Variants in SMTNL2 observed in about 807,000 individuals in gnomAD.
SMTNL2 encodes the protein smoothelin-like protein 2.
SMTNL2 carries 43 observed loss-of-function variants against 44.1 expected under a neutral mutation model. The ratio of observed to expected loss-of-function variants is 0.98; its 90% CI spans 0.76 to 1.26. The LOEUF is 1.26. Ranked by LOEUF, SMTNL2 falls within the 50% of genes most tolerant of loss-of-function variation. SMTNL2 has a pLI of 0.00. For synonymous variants in SMTNL2, 317 were observed against 287.6 expected, an observed-to-expected ratio of 1.10 and a Z score of -1.03; for missense variants, 646 against 670.2, an observed-to-expected ratio of 0.96 and a Z score of 0.40.
chr17:4,585,433 C>T (rs1015168758), intron 1 of SMTNL2, among the ~76,000 whole-genome samples: 9 of 152,248 alleles, frequency 5.9e-5, no homozygotes, highest in Admixed American at 4.6e-4. Context: ...TGAGGCCTGA[C>T]GGCTCTGGTT....
chr17:4,585,343 C>A (rs1475448819), intron 1 of SMTNL2, among the ~76,000 whole-genome samples: 2 of 152,256 alleles, frequency 1.3e-5, no homozygotes, highest in Non-Finnish European at 2.9e-5. Context: ...TGCCTGGAGC[C>A]ACGCGGGGCA....
In SMTNL2 at chr17:4,592,504, C is replaced by G; in HGVS notation, c.487+56C>G. On this transcript the variant is annotated intron_variant, in intron 2 of 7. Coordinates refer to ENST00000389313, the MANE Select transcript of SMTNL2 (RefSeq NM_001114974.2). The surrounding 1 kb of genome is among the most constrained non-coding windows in gnomAD (Gnocchi z 4.5). Reference sequence around the variant, plus strand: ...GGTAGGTTTGGGGGTTAAGTAAGGCCTTGGTCAGGTATCTGTGCCAGGCTG... The same window carrying G: ...GGTAGGTTTGGGGGTTAAGTAAGGCGTTGGTCAGGTATCTGTGCCAGGCTG... 1 of 1,530,374 alleles carries G rather than the reference C, an allele frequency of 6.5e-7. No individual in the cohort carries two copies. The highest frequency in any genetic ancestry group is 1.2e-5 in the South Asian group (1 of 83,476). The allele number at this position is 1,530,374 out of a possible 1,614,324, so 94.8% of individuals were successfully genotyped here.
chr17:4,607,460 G>A lies in SMTNL2; in HGVS notation c.1359G>A (p.Leu453=). 6.2e-7 allele frequency: 1 copy of A among 1,614,190 alleles called. No individual in the cohort carries two copies. The highest frequency in any genetic ancestry group is 8.5e-7 in the Non-Finnish European group (1 of 1,180,018). ...GTGTCTTCACCTACGTCCAGTCGCT[G>A]TACAACCACCTGCGTCGCTTCGAGT... ...PMCVFTYVQS[L]YNHLRRFE The change falls in exon 8 of 8, where the codon CTG becomes CTA. Residue 453 remains leucine (L), a synonymous_variant. Transcript: ENST00000389313. This position sits in a 1 kb window ranked among gnomAD's most constrained non-coding sequence, Gnocchi z 4.7.
chr17:4,594,340 T>C (rs554862954), intron 4 of SMTNL2, among the ~76,000 whole-genome samples: 8 of 151,958 alleles, frequency 5.3e-5, no homozygotes, highest in African/African-American at 1.7e-4. Flanking sequence ...TCCCAGCTAC[T>C]TGGGACGCTG....
intron 1 of SMTNL2, among the ~76,000 whole-genome samples, chr17:4,586,140 G>A (rs575200746): frequency 1.6e-4 from 25 of 152,342 alleles, no homozygotes; most frequent in East Asian, 7.7e-4. Flanking sequence ...GTGCAGCCTC[G>A]AGGTATGCGA....
rs372916524 is a variant in SMTNL2 at position 4,600,576 on chromosome 17, C to T, written c.1259+3253C>T. On this transcript the variant is annotated intron_variant, in intron 7 of 7. Coordinates refer to ENST00000389313, the MANE Select transcript of SMTNL2 (RefSeq NM_001114974.2). This position sits in a 1 kb window ranked among gnomAD's most constrained non-coding sequence, Gnocchi z 4.7. ...GTGTGCTGCCCTTCCCCAACCCCCA[C>T]CTGATAATTTATGGTCCCAGAGATT... Among the ~76,000 whole-genome samples, 32 of 152,278 alleles carry T rather than the reference C, an allele frequency of 2.1e-4. 1 individual carries two copies. In the East Asian group the frequency reaches 4.4e-3, roughly 21 times the overall value.
At chr17:4,605,896 GT>G (rs1002998671) in intron 7 of SMTNL2, among the ~76,000 whole-genome samples, 1 of 152,144 alleles carries the variant, frequency 6.6e-6, no homozygotes, top group African/African-American at 2.4e-5. Flanking sequence ...GCTGTCTGTT[GT>G]TATTTCAGGA....
In SMTNL2 at chr17:4,592,324, A is replaced by G; in HGVS notation, c.400-37A>G. The G allele has an allele frequency of 6.2e-7, 1 of 1,604,818 alleles. No homozygotes were observed. The highest frequency in any genetic ancestry group is 8.5e-7 in the Non-Finnish European group (1 of 1,175,176). ...CTTTTGGGGGTGGGCAGCTGGCCCT[A>G]GCTGATGGGGTCTCGGTGACATTTG... On this transcript the variant is annotated intron_variant, in intron 1 of 7. Transcript: ENST00000389313. The surrounding 1 kb of genome is among the most constrained non-coding windows in gnomAD (Gnocchi z 4.5).
intron 7 of SMTNL2, among the ~76,000 whole-genome samples, chr17:4,605,168 T>TG (rs1597419121): frequency 1.4e-5 from 2 of 139,922 alleles, no homozygotes; most frequent in South Asian, 4.8e-4. Context: ...TTTTTTTTTT[T>TG]TTTTTTTTTT....
At chr17:4,586,899 G>A (rs1040173578) in intron 1 of SMTNL2, among the ~76,000 whole-genome samples, 5 of 152,176 alleles carry the variant, frequency 3.3e-5, no homozygotes, top group African/African-American at 1.2e-4. Flanking sequence ...GGTTCCACCC[G>A]GGTCGTGCTG....
chr17:4,593,861 G>T lies in SMTNL2; in HGVS notation c.770G>T (p.Gly257Val). The T allele has an allele frequency of 6.2e-7, 1 of 1,614,072 alleles. No individual in the cohort carries two copies. The highest frequency in any genetic ancestry group is 8.5e-7 in the Non-Finnish European group (1 of 1,180,012). ...TTCACGTGGTCTGTGCCAAGCTCTG[G>T]CTATGGGGCAGTGACAGCAAGCAAA... ...SSFTWSVPSS[G>V]YGAVTASKHS... Residue 257 changes from glycine to valine, a missense_variant, in exon 4 of 8, where the codon GGC (glycine) becomes GTC (valine). Physicochemically the swap from Gly to Val is moderately radical, Grantham distance 109 (BLOSUM62 -3). Transcript: ENST00000389313.
At chr17:4,603,880 T>A (rs759132789) in intron 7 of SMTNL2, among the ~76,000 whole-genome samples, 1 of 151,922 alleles carries the variant, frequency 6.6e-6, no homozygotes, top group East Asian at 1.9e-4. Flanking sequence ...AGTCTCACTC[T>A]GTCGCCCAGG....
At chr17:4,585,555 C>T (rs923981579) in intron 1 of SMTNL2, among the ~76,000 whole-genome samples, 1 of 152,216 alleles carries the variant, frequency 6.6e-6, no homozygotes, top group East Asian at 1.9e-4. Context: ...GGGTAAATCC[C>T]TTACCGTGAA....
In SMTNL2 at chr17:4,607,314, T is replaced by C. The variant is rs1245801958; in HGVS notation, c.1260-47T>C. On this transcript the variant is annotated intron_variant, in intron 7 of 7. Coordinates refer to ENST00000389313, the MANE Select transcript of SMTNL2 (RefSeq NM_001114974.2). This position sits in a 1 kb window ranked among gnomAD's most constrained non-coding sequence, Gnocchi z 4.7. ...ACCGGCCCTGTCGCGGCTGTGGGGC[T>C]GGCTGATGGCTGGGACCACCGTTCT... 1.9e-6 allele frequency: 3 copies of C among 1,609,194 alleles called. No homozygotes were observed. The highest frequency in any genetic ancestry group is 2.5e-6 in the Non-Finnish European group (3 of 1,176,556).
intron 7 of SMTNL2, among the ~76,000 whole-genome samples, chr17:4,606,807 G>A (rs1910295888): frequency 6.6e-6 from 1 of 152,136 alleles, no homozygotes; most frequent in South Asian, 2.1e-4. Flanking sequence ...CTACTCGGGA[G>A]GCTGAGACAG....
At chr17:4,593,574 C>G (rs996541299) in intron 3 of SMTNL2, among the ~76,000 whole-genome samples, 1 of 152,234 alleles carries the variant, frequency 6.6e-6, no homozygotes, top group Non-Finnish European at 1.5e-5. Context: ...GGCACGGGCC[C>G]TGGGCTCTGT....
intron 3 of SMTNL2, 38 bp from the exon 4 acceptor site, chr17:4,593,784 G>A: frequency 6.2e-7 from 1 of 1,603,810 alleles, no homozygotes; most frequent in Non-Finnish European, 8.5e-7. Flanking sequence ...CCTCCCTGGG[G>A]CCAGGGTTTG....
chr17:4,592,470 G>A lies in SMTNL2; in HGVS notation c.487+22G>A, dbSNP rs1467726625. ...GCAGGTAGGGCTGACGGCAGAGGAGGGGTGGCTGGGTAGGTTTGGGGGTTA... is the reference window on the plus strand; with the variant it reads ...GCAGGTAGGGCTGACGGCAGAGGAGAGGTGGCTGGGTAGGTTTGGGGGTTA... On this transcript the variant is annotated intron_variant, in intron 2 of 7. Transcript: ENST00000389313. The surrounding 1 kb of genome is among the most constrained non-coding windows in gnomAD (Gnocchi z 4.5). 1.9e-6 allele frequency: 3 copies of A among 1,604,910 alleles called. No homozygotes were observed. In the African/African-American group the frequency reaches 4.0e-5, roughly 21 times the overall value.
At chr17:4,584,517 C>A (rs1446687847), upstream of SMTNL2, 5 of 1,199,458 alleles carry the variant, frequency 4.2e-6, no homozygotes, top group Admixed American at 1.3e-4. Flanking sequence ...GCGAAGCCAG[C>A]CACGGACGGC....
Sources: gnomAD v4.1 joint callset for allele counts (sites outside exome capture counted in the v4.1 genomes callset) on GRCh38, gnomAD v4.1.1 for gene constraint, Gnocchi (gnomAD v3.1) non-coding constraint, MANE v1.5 for transcripts, NCBI Gene and HGNC (gene_info 2026-07-23, HGNC 2026-07-21) for gene names.